HS2ST1: variants seen among roughly 807,000 people sequenced by gnomAD.
The protein encoded by HS2ST1 is heparan sulfate 2-O-sulfotransferase 1.
In HS2ST1, 18 loss-of-function variants were observed where a neutral mutation model predicts 42.9. The observed-to-expected ratio is 0.42, with a 90% confidence interval of 0.29 to 0.62. The LOEUF is 0.62. Ranked by LOEUF, HS2ST1 falls within the 20% of genes least tolerant of loss-of-function variation. The pLI, the probability that HS2ST1 is intolerant of heterozygous loss-of-function variation, is 0.21. For synonymous variants in HS2ST1, 146 were observed against 152.9 expected (o/e 0.95, Z 0.33); for missense variants, 334 against 433.8 (o/e 0.77, Z 2.04).
chr1:86,992,523 C>G (rs765028836), intron 1 of HS2ST1, among the ~76,000 whole-genome samples: 2 of 152,018 alleles, frequency 1.3e-5, no homozygotes, highest in Admixed American at 6.5e-5. Context: ...TGCGCCACCA[C>G]GCCTGGCTAA....
intron 1 of HS2ST1, among the ~76,000 whole-genome samples, chr1:87,007,434 A>G (rs1164251161): frequency 3.3e-5 from 5 of 152,070 alleles, no homozygotes; most frequent in Non-Finnish European, 5.9e-5. Context: ...ACCTAGAGGC[A>G]TGGCCCCTAA....
chr1:86,999,689 G>A (rs1252583609), intron 1 of HS2ST1, among the ~76,000 whole-genome samples: 1 of 65,534 alleles, frequency 1.5e-5, no homozygotes, highest in Non-Finnish European at 4.0e-5. Context: ...TTCAAATTAT[G>A]CTTTCCCCCC....
At chr1:87,060,017 T>G (rs2100622094) in intron 1 of HS2ST1, among the ~76,000 whole-genome samples, 1 of 152,310 alleles carries the variant, frequency 6.6e-6, no homozygotes, top group South Asian at 2.1e-4. Flanking sequence ...TGTTGTGATT[T>G]TTTTTCCCTA....
chr1:87,103,255 A>T (rs1652257553), intron 5 of HS2ST1, among the ~76,000 whole-genome samples, 177 bp from the exon 6 acceptor site: 1 of 152,186 alleles, frequency 6.6e-6, no homozygotes, highest in Non-Finnish European at 1.5e-5. Flanking sequence ...GAAACTGGAG[A>T]TGGAAGCAAA....
intron 2 of HS2ST1, among the ~76,000 whole-genome samples, chr1:87,075,992 A>G (rs1651533809): frequency 6.6e-6 from 1 of 152,198 alleles, no homozygotes; most frequent in Non-Finnish European, 1.5e-5. Context: ...GAGCTTATTT[A>G]AAATTTACTT....
chr1:86,974,212 C>T (rs1406107678), intron 1 of HS2ST1, among the ~76,000 whole-genome samples: 1 of 152,084 alleles, frequency 6.6e-6, no homozygotes, highest in Non-Finnish European at 1.5e-5. Flanking sequence ...TAATTAGAAC[C>T]TTGGAAATTT....
chr1:86,932,869 T>C (rs1032857906), intron 1 of HS2ST1, among the ~76,000 whole-genome samples: 2 of 152,196 alleles, frequency 1.3e-5, no homozygotes, highest in African/African-American at 4.8e-5. Context: ...CAAAAAAATA[T>C]TCTTCAAAGT....
chr1:87,063,952 T>TA (rs1271811116), intron 1 of HS2ST1, among the ~76,000 whole-genome samples: 9 of 152,192 alleles, frequency 5.9e-5, no homozygotes, highest in African/African-American at 1.9e-4. Flanking sequence ...ACTCCACTGA[T>TA]ACTGCAGAGG....
chr1:87,098,358 A>G, intron 5 of HS2ST1: 1 of 980,576 alleles, frequency 1.0e-6, no homozygotes, highest in Non-Finnish European at 1.2e-6. Flanking sequence ...ACTTTAAGAG[A>G]AGCCAAGGTT....
chr1:86,937,878 T>A (rs1375976985), intron 1 of HS2ST1, among the ~76,000 whole-genome samples: 1 of 152,252 alleles, frequency 6.6e-6, no homozygotes, highest in East Asian at 1.9e-4. Context: ...ATTTCAGTAA[T>A]TTAGATGAGG....
intron 1 of HS2ST1, among the ~76,000 whole-genome samples, chr1:87,061,583 A>G (rs185605588): frequency 1.1e-3 from 174 of 152,190 alleles, no homozygotes; most frequent in Non-Finnish European, 1.4e-3. Flanking sequence ...ATTCCTTTCT[A>G]TAGTTGCATA....
Position 87,017,379 on chromosome 1 carries a change from T to G in HS2ST1, c.125-55555T>G, listed in dbSNP as rs1019521543. ...CTTGAACTCCTGACCTCAGGTGATCTGCCTGCCTCGGCCTCCCAAAGTGCT... is the reference window on the plus strand; with the variant it reads ...CTTGAACTCCTGACCTCAGGTGATCGGCCTGCCTCGGCCTCCCAAAGTGCT... On this transcript the variant is annotated intron_variant, in intron 1 of 6. Transcript: ENST00000370550. Among the ~76,000 whole-genome samples, 5 of 152,260 alleles carry G rather than the reference T, an allele frequency of 3.3e-5. No individual in the cohort carries two copies. The East Asian group carries it at 9.7e-4, about 29-fold the overall frequency.
intron 1 of HS2ST1, among the ~76,000 whole-genome samples, chr1:86,968,667 A>T (rs1172812102): frequency 6.6e-6 from 1 of 152,038 alleles, no homozygotes; most frequent in East Asian, 1.9e-4. Flanking sequence ...CCGCCTTCCT[A>T]AGTGGTGGAT....
At chr1:86,966,041 C>T (rs1381320875) in intron 1 of HS2ST1, among the ~76,000 whole-genome samples, 1 of 152,196 alleles carries the variant, frequency 6.6e-6, no homozygotes, top group East Asian at 1.9e-4. Flanking sequence ...TTGACAGATA[C>T]TAGCGGAAGA....
In HS2ST1 at chr1:87,046,538, A is replaced by G. The variant is rs1277871236; in HGVS notation, c.125-26396A>G. On this transcript the variant is annotated intron_variant, in intron 1 of 6. Coordinates refer to ENST00000370550, the MANE Select transcript of HS2ST1 (RefSeq NM_012262.4). ...TTTTACCAAGCTTTTTAAAGATGAC[A>G]TCAGGTATCTGTTGATAATGGACAA... The G allele has an allele frequency of 1.9e-6, 3 of 1,548,522 alleles. No individual in the cohort carries two copies. The East Asian group carries it at 6.8e-5, about 35-fold the overall frequency.
chr1:87,051,318 G>A (rs1413641231), intron 1 of HS2ST1, among the ~76,000 whole-genome samples: 2 of 151,914 alleles, frequency 1.3e-5, no homozygotes, highest in African/African-American at 4.8e-5. Flanking sequence ...ATGGGGATGA[G>A]GCAGAGTAAC....
intron 1 of HS2ST1, among the ~76,000 whole-genome samples, chr1:86,968,625 G>A (rs541528866): frequency 2.6e-5 from 4 of 151,906 alleles, no homozygotes; most frequent in Non-Finnish European, 4.4e-5. Flanking sequence ...GGCTGGTCTC[G>A]GGACTCCTGG....
At position 87,104,763 on chromosome 1, in the gene HS2ST1, C is replaced by G. The variant is rs963586888; in HGVS notation, c.*67C>G. 1 of 960,308 alleles carries G rather than the reference C, an allele frequency of 1.0e-6. No homozygotes were observed. The highest frequency in any genetic ancestry group is 1.9e-5 in the Admixed American group (1 of 53,076). The allele number at this position is 960,308 out of a possible 1,614,324, so 59.5% of individuals were successfully genotyped here. A position where few individuals can be genotyped will look rare whatever the true frequency, so the allele number is the denominator to read the frequency against. On this transcript the variant is annotated 3_prime_UTR_variant, in exon 7 of 7. Transcript: ENST00000370550. ...CCTGTCTTCACCTTTGTTCTCAGCT[C>G]CACAGTCTGGATTGCTGACAGTAGG...
intron 1 of HS2ST1, among the ~76,000 whole-genome samples, chr1:86,918,636 A>G (rs1660220690): frequency 6.6e-6 from 1 of 152,116 alleles, no homozygotes; most frequent in African/African-American, 2.4e-5. Context: ...TGGGACAAAG[A>G]ATATACATAT....
Sources: gnomAD v4.1 joint callset for allele counts (sites outside exome capture counted in the v4.1 genomes callset) on GRCh38, gnomAD v4.1.1 for gene constraint, MANE v1.5 for transcripts, NCBI Gene and HGNC (gene_info 2026-07-23, HGNC 2026-07-21) for gene names.